RBFOX1: variants seen among roughly 807,000 people sequenced by gnomAD.
RBFOX1 encodes the protein RNA binding fox-1 homolog 1.
In RBFOX1, 8 loss-of-function variants were observed where a neutral mutation model predicts 57.7. That is an observed-to-expected ratio of 0.14 (90% CI 0.08 to 0.25). RBFOX1 has a LOEUF of 0.25. Among genes scored for constraint, RBFOX1 ranks in the 10% least tolerant of loss-of-function variants. RBFOX1 has a pLI of 1.00. For missense variants in RBFOX1, 611 were observed against 548.5 expected (o/e 1.11, Z -1.14); for synonymous variants, 326 against 222.4 (o/e 1.47, Z -4.15).
At chr16:5,649,930 G>C (rs963323306) in intron 3 of RBFOX1, among the ~76,000 whole-genome samples, 1 of 152,156 alleles carries the variant, frequency 6.6e-6, no homozygotes, top group African/African-American at 2.4e-5. Flanking sequence ...GGTAGCACTC[G>C]AGTTCGCAAG....
chr16:7,401,004 G>A (rs972263203), intron 4 of RBFOX1, among the ~76,000 whole-genome samples: 1 of 152,198 alleles, frequency 6.6e-6, no homozygotes, highest in Non-Finnish European at 1.5e-5. Flanking sequence ...ACTCAGGAAT[G>A]TGAAGGGACA....
chr16:5,535,967 G>A (rs974597507), intron 2 of RBFOX1, among the ~76,000 whole-genome samples: 9 of 152,040 alleles, frequency 5.9e-5, no homozygotes, highest in African/African-American at 1.2e-4. Context: ...TGATCTTTCC[G>A]ATGAGTTAGT....
At chr16:5,460,756 C>T (rs1294377108) in intron 1 of RBFOX1, among the ~76,000 whole-genome samples, 3 of 152,156 alleles carry the variant, frequency 2.0e-5, no homozygotes, top group East Asian at 1.9e-4. Flanking sequence ...TTCCCTTAGG[C>T]GAGGAAGATG....
At chr16:5,643,916 T>G (rs2048963718) in intron 3 of RBFOX1, among the ~76,000 whole-genome samples, 1 of 152,230 alleles carries the variant, frequency 6.6e-6, no homozygotes, top group African/African-American at 2.4e-5. Context: ...TTTCCCTCTG[T>G]AACAATGACA....
chr16:5,836,823 C>A (rs536432366), intron 3 of RBFOX1, among the ~76,000 whole-genome samples: 1 of 152,288 alleles, frequency 6.6e-6, no homozygotes, highest in South Asian at 2.1e-4. Flanking sequence ...GGGAGAAGCA[C>A]CCAGATGAGA....
intron 1 of RBFOX1, among the ~76,000 whole-genome samples, chr16:5,401,701 C>T (rs971112013): frequency 6.6e-6 from 1 of 151,864 alleles, no homozygotes; most frequent in Non-Finnish European, 1.5e-5. Flanking sequence ...TTCACACTTT[C>T]ATTGTTTTGA....
chr16:6,212,820 C>T (rs1460558863), intron 1 of RBFOX1, among the ~76,000 whole-genome samples: 1 of 151,972 alleles, frequency 6.6e-6, no homozygotes, highest in African/African-American at 2.4e-5. Flanking sequence ...AATTTTTTCT[C>T]CAAGACATAT....
chr16:6,296,828 C>T (rs370291725), intron 1 of RBFOX1, among the ~76,000 whole-genome samples: 16 of 152,200 alleles, frequency 1.1e-4, no homozygotes, highest in African/African-American at 2.2e-4. Context: ...ACCGAGGTAC[C>T]GGTACAGACC....
At chr16:7,418,574 T>C (rs1279762222) in intron 4 of RBFOX1, among the ~76,000 whole-genome samples, 3 of 152,212 alleles carry the variant, frequency 2.0e-5, no homozygotes, top group Non-Finnish European at 2.9e-5. Context: ...CAGTAGACAT[T>C]GGGTATGAAA....
At chr16:6,901,971 G>A (rs558513286) in intron 3 of RBFOX1, among the ~76,000 whole-genome samples, 34 of 152,132 alleles carry the variant, frequency 2.2e-4, no homozygotes, top group South Asian at 1.9e-3. Flanking sequence ...GAAATATTGC[G>A]TTACAGACAT....
At chr16:7,497,341 G>C (rs964162586) in intron 4 of RBFOX1, among the ~76,000 whole-genome samples, 9 of 151,990 alleles carry the variant, frequency 5.9e-5, no homozygotes, top group African/African-American at 2.2e-4. Context: ...CCTTGAATTT[G>C]CACCTAACTC....
At chr16:6,298,298 G>C (rs533514576) in intron 1 of RBFOX1, among the ~76,000 whole-genome samples, 7 of 152,138 alleles carry the variant, frequency 4.6e-5, no homozygotes, top group African/African-American at 1.2e-4. Flanking sequence ...TACTGCACAG[G>C]GTGCTCCATA....
intron 1 of RBFOX1, among the ~76,000 whole-genome samples, chr16:6,086,656 A>T (rs2096089365): frequency 6.6e-6 from 1 of 152,162 alleles, no homozygotes; most frequent in Non-Finnish European, 1.5e-5. Flanking sequence ...TATCAGGGAG[A>T]TGATTTACTG....
At chr16:5,297,974 T>C (rs1312725907) in intron 1 of RBFOX1, among the ~76,000 whole-genome samples, 1 of 152,168 alleles carries the variant, frequency 6.6e-6, no homozygotes, top group African/African-American at 2.4e-5. Context: ...CCAGACACTT[T>C]TGTAGGCAAC....
At chr16:6,099,500 C>G (rs547190792) in intron 1 of RBFOX1, among the ~76,000 whole-genome samples, 20 of 152,230 alleles carry the variant, frequency 1.3e-4, no homozygotes, top group African/African-American at 4.1e-4. Flanking sequence ...AGGCAGAATG[C>G]TGATTGCTGA....
At chr16:5,789,954 A>C (rs745652279) in intron 3 of RBFOX1, among the ~76,000 whole-genome samples, 2 of 152,186 alleles carry the variant, frequency 1.3e-5, no homozygotes, top group Non-Finnish European at 2.9e-5. Flanking sequence ...CTGCTATAAC[A>C]GATAGACCTC....
chr16:6,754,858 C>G (rs1235854610), intron 3 of RBFOX1, among the ~76,000 whole-genome samples: 1 of 152,064 alleles, frequency 6.6e-6, no homozygotes, highest in Non-Finnish European at 1.5e-5. Flanking sequence ...TCCCCTCTCC[C>G]CCCACCCCAC....
intron 5 of RBFOX1, among the ~76,000 whole-genome samples, chr16:7,521,848 C>T (rs573077852): frequency 2.8e-4 from 42 of 152,302 alleles, no homozygotes; most frequent in Middle Eastern, 3.4e-3. Context: ...AGGGTGGACA[C>T]AGCCTGGTTT....
intron 4 of RBFOX1, among the ~76,000 whole-genome samples, chr16:5,933,788 G>T (rs534980788): frequency 1.1e-4 from 16 of 146,612 alleles, no homozygotes; most frequent in Admixed American, 2.0e-4. Flanking sequence ...GTTTTTTTTT[G>T]TTTTTTTTTT....
Sources: gnomAD v4.1 joint callset for allele counts (sites outside exome capture counted in the v4.1 genomes callset) on GRCh38, gnomAD v4.1.1 for gene constraint, MANE v1.5 for transcripts, NCBI Gene and HGNC (gene_info 2026-07-23, HGNC 2026-07-21) for gene names.